SYNE1: variants seen among roughly 807,000 people sequenced by gnomAD.
SYNE1 encodes nesprin-1.
Under a neutral mutation model 1,111.0 loss-of-function variants are expected in SYNE1, and 616 were observed. The ratio of observed to expected loss-of-function variants is 0.55; its 90% CI spans 0.52 to 0.59. The LOEUF (loss-of-function observed/expected upper bound fraction) is 0.59, where lower values mean the gene tolerates loss of function less well. Ranked by LOEUF, SYNE1 falls within the 20% of genes least tolerant of loss-of-function variation. The pLI is 0.00. For synonymous variants in SYNE1, 3,855 were observed against 3,825.8 expected (o/e 1.01, Z -0.28); for missense variants, 10,006 against 10,417.0 (o/e 0.96, Z 1.72).
intron 130 of SYNE1, among the ~76,000 whole-genome samples, chr6:152,165,412 A>G (rs1454379871): frequency 6.6e-6 from 1 of 152,178 alleles, no homozygotes; most frequent in Non-Finnish European, 1.5e-5. Context: ...TCCTCAAAGC[A>G]CTGTCATATA....
rs2098640699 is a variant in SYNE1, at chr6:152,450,704, T to C, written c.3316A>G (p.Lys1106Glu). The change falls in exon 27 of 146, where the codon AAA becomes GAA. Residue 1106 changes from lysine to glutamate, a missense_variant. Coordinates refer to ENST00000367255, the MANE Select transcript of SYNE1 (RefSeq NM_182961.4). The part of the protein sequence containing the change: ...DTPGTCHVTL[K>E]ELRAAIDSTY... ...CTGTCAATGGCAGCTCTGAGCTCTT[T>C]GAGAGTCACGTGACAGGTTCCAGGT... The C allele has an allele frequency of 2.5e-6, 4 of 1,614,106 alleles. No individual in the cohort carries two copies. The East Asian group carries it at 8.9e-5, about 36-fold the overall frequency.
At chr6:152,418,969 A>C (rs964065962) in intron 40 of SYNE1, among the ~76,000 whole-genome samples, 1 of 152,128 alleles carries the variant, frequency 6.6e-6, no homozygotes, top group Non-Finnish European at 1.5e-5. Context: ...TAACATAAAA[A>C]CTTTAGTCAT....
At chr6:152,630,862 C>T (rs1384912679) in intron 2 of SYNE1, among the ~76,000 whole-genome samples, 10 of 152,216 alleles carry the variant, frequency 6.6e-5, no homozygotes, top group Non-Finnish European at 1.0e-4. Context: ...AATTCACATT[C>T]ACATAGCTTG....
At chr6:152,258,400 T>C (rs527913240) in intron 101 of SYNE1, among the ~76,000 whole-genome samples, 1 of 152,358 alleles carries the variant, frequency 6.6e-6, no homozygotes, top group African/African-American at 2.4e-5. Flanking sequence ...ATCTTTGCAC[T>C]TGGCTGCATT....
intron 120 of SYNE1, 151 bp from the exon 121 acceptor site, chr6:152,218,554 C>A: frequency 1.1e-6 from 1 of 885,588 alleles, no homozygotes; most frequent in South Asian, 1.6e-5. Context: ...ATAAAAAAAG[C>A]TATAACAATT....
chr6:152,230,903 A>T (rs1312188351), intron 114 of SYNE1, among the ~76,000 whole-genome samples: 1 of 152,120 alleles, frequency 6.6e-6, no homozygotes, highest in Non-Finnish European at 1.5e-5. Flanking sequence ...GTCTTGAGCC[A>T]CACATAAAAT....
rs148998248 is a variant in SYNE1, at chr6:152,381,235, C to T, written c.8780G>A (p.Arg2927His). 5.0e-6 allele frequency: 8 copies of T among 1,614,216 alleles called. No homozygotes were observed. Among genetic ancestry groups the T allele is most frequent in the East Asian group, 4.5e-5 (2 of 44,890 alleles). ...ELMHTEMQALRADWKQWEDSV... is the reference protein window; with the variant it reads ...ELMHTEMQALHADWKQWEDSV... ...GTCTTCCCACTGCTTCCAGTCGGCA[C>T]GCAGGGCCTGCATCTCCGTGTGCAT... is the stretch of plus-strand genomic sequence containing the variant. The change falls in exon 56 of 146, where the codon CGT (arginine) becomes CAT (histidine). Residue 2927 changes from arginine (R) to histidine (H), a missense_variant. This residue lies in a region of SYNE1 where 4,955 missense variants were observed against 5,017.2 expected (regional missense o/e 0.99). Transcript: ENST00000367255.
In SYNE1 at chr6:152,330,504, C is replaced by T; in HGVS notation, c.14181G>A (p.Gly4727=). ...TCTGGTTCAGTTCATCCACCGCCTC[C>T]CCAAGGCCCGCCACCTCGTCCAGAA... ...RAILDEVAGL[G]EAVDELNQKK... The change falls in exon 78 of 146, where the codon GGG becomes GGA. Residue 4727 remains glycine (G), a synonymous_variant. Coordinates refer to ENST00000367255, the MANE Select transcript of SYNE1 (RefSeq NM_182961.4). 1 of 1,614,152 alleles carries T rather than the reference C, an allele frequency of 6.2e-7. No individual in the cohort carries two copies.
intron 133 of SYNE1, 126 bp downstream of exon 133, chr6:152,154,766 A>G (rs181808454): frequency 2.2e-5 from 24 of 1,067,118 alleles, no homozygotes; most frequent in Middle Eastern, 5.6e-4. Flanking sequence ...ATGGCTGCAA[A>G]GTCCTCACGC....
At chr6:152,410,706 G>A (rs1357481197) in intron 42 of SYNE1, among the ~76,000 whole-genome samples, 1 of 152,174 alleles carries the variant, frequency 6.6e-6, no homozygotes, top group Admixed American at 6.5e-5. Context: ...GCTCCAGCCT[G>A]GGCGATAGAG....
chr6:152,417,719 CAT>C (rs2098184505), intron 40 of SYNE1, among the ~76,000 whole-genome samples: 1 of 151,846 alleles, frequency 6.6e-6, no homozygotes, highest in Non-Finnish European at 1.5e-5. Context: ...TTAGATATCT[CAT>C]ATTTTTAATA....
intron 124 of SYNE1, among the ~76,000 whole-genome samples, chr6:152,210,730 G>A (rs917669254): frequency 7.2e-5 from 11 of 151,978 alleles, no homozygotes; most frequent in Non-Finnish European, 7.4e-5. Flanking sequence ...ATATCACCAC[G>A]GAAAGTCGAT....
At chr6:152,351,918 G>T in intron 70 of SYNE1, 109 bp downstream of exon 70, 1 of 972,268 alleles carries the variant, frequency 1.0e-6, no homozygotes. Context: ...GGACACATGC[G>T]GGATGCATTC....
At chr6:152,186,846 A>G (rs2070261044) in intron 128 of SYNE1, among the ~76,000 whole-genome samples, 1 of 152,202 alleles carries the variant, frequency 6.6e-6, no homozygotes, top group Admixed American at 6.5e-5. Flanking sequence ...ATTAAGAAAA[A>G]CAGATGAATG....
At chr6:152,377,407 C>T (rs986765790) in intron 56 of SYNE1, among the ~76,000 whole-genome samples, 20 of 150,748 alleles carry the variant, frequency 1.3e-4, no homozygotes, top group Non-Finnish European at 1.5e-5. Context: ...GTCAGGAGTT[C>T]GAGACCAGCC....
intron 137 of SYNE1, chr6:152,146,446 G>C (rs1035551803): frequency 6.6e-6 from 1 of 152,122 alleles, no homozygotes; most frequent in Middle Eastern, 3.4e-3. Context: ...ATTCATGTAA[G>C]CATGTTTTCC....
At chr6:152,205,196 G>A (rs1233353655) in intron 126 of SYNE1, among the ~76,000 whole-genome samples, 4 of 151,026 alleles carry the variant, frequency 2.6e-5, no homozygotes, top group Non-Finnish European at 4.4e-5. Context: ...CATTACCTTT[G>A]ATCCAAACAT....
At chr6:152,506,242 A>G (rs773565242) in intron 8 of SYNE1, among the ~76,000 whole-genome samples, 1 of 152,180 alleles carries the variant, frequency 6.6e-6, no homozygotes, top group African/African-American at 2.4e-5. Context: ...ATCAATTATA[A>G]AGGCAGTTCC....
chr6:152,129,568 A>C (rs2054761351), intron 145 of SYNE1: 2 of 152,042 alleles, frequency 1.3e-5, no homozygotes, highest in Non-Finnish European at 2.9e-5. Context: ...GAAAAAAAAA[A>C]ACTCATAAAA....
Sources: gnomAD v4.1 joint callset for allele counts (sites outside exome capture counted in the v4.1 genomes callset) on GRCh38, gnomAD v4.1.1 for gene constraint, gnomAD v4.1.1 regional missense constraint, MANE v1.5 for transcripts, NCBI Gene and HGNC (gene_info 2026-07-23, HGNC 2026-07-21) for gene names.